Variants in KCNQ3 observed in about 807,000 individuals in gnomAD.
KCNQ3 encodes the protein potassium voltage-gated channel subfamily KQT member 3.
A neutral mutation model predicts 92.5 loss-of-function variants in KCNQ3; 30 were observed. That is an observed-to-expected ratio of 0.32 (90% CI 0.24 to 0.44). KCNQ3 has a LOEUF of 0.44. Among genes scored for constraint, KCNQ3 ranks in the 20% least tolerant of loss-of-function variants. KCNQ3 has a pLI of 1.00. For missense variants in KCNQ3, 913 were observed against 1,140.3 expected, an observed-to-expected ratio of 0.80 and a Z score of 2.87; for synonymous variants, 450 against 468.8, an observed-to-expected ratio of 0.96 and a Z score of 0.52.
chr8:132,425,607 C>T lies in KCNQ3; in HGVS notation c.386+54540G>A, dbSNP rs556414148. Among the ~76,000 whole-genome samples, 16 of 152,230 alleles carry T rather than the reference C, an allele frequency of 1.1e-4. No homozygotes were observed. The South Asian group carries it at 3.3e-3, about 32-fold the overall frequency. On this transcript the variant is annotated intron_variant, in intron 1 of 14. Transcript: ENST00000388996. ...TTTCATAACAGCCACGACCCCAAAA[C>T]CTTCTTAGGGTGTAAACAGTAGTTA... is the stretch of plus-strand genomic sequence containing the variant.
intron 9 of KCNQ3, among the ~76,000 whole-genome samples, chr8:132,149,871 T>A (rs1053103083): frequency 6.6e-6 from 1 of 151,870 alleles, no homozygotes; most frequent in Non-Finnish European, 1.5e-5. Flanking sequence ...GTCCACAGAG[T>A]TCCCCCCTCC....
intron 12 of KCNQ3, among the ~76,000 whole-genome samples, chr8:132,136,811 T>A (rs906393338): frequency 3.3e-5 from 5 of 151,852 alleles, no homozygotes; most frequent in African/African-American, 7.3e-5. Flanking sequence ...TCATATAATT[T>A]AAAAAATCTC....
intron 1 of KCNQ3, among the ~76,000 whole-genome samples, chr8:132,414,613 G>A (rs112049620): frequency 9.8e-5 from 15 of 152,320 alleles, no homozygotes; most frequent in African/African-American, 3.6e-4. Context: ...GGGAATGAGG[G>A]GACCCCTTAG....
intron 1 of KCNQ3, among the ~76,000 whole-genome samples, chr8:132,391,215 T>C (rs1303924002): frequency 6.6e-6 from 1 of 152,182 alleles, no homozygotes; most frequent in Non-Finnish European, 1.5e-5. Flanking sequence ...CCAAGACTCA[T>C]GGGTTCGGTA....
chr8:132,133,337 C>T (rs2469620), intron 13 of KCNQ3, among the ~76,000 whole-genome samples: 48,363 of 142,816 alleles, frequency 0.34, 9,170 homozygotes, highest in Non-Finnish European at 0.43. Flanking sequence ...TCTATCATCA[C>T]GTTAATGCTC....
At chr8:132,296,584 C>T (rs1034918289) in intron 1 of KCNQ3, among the ~76,000 whole-genome samples, 8 of 152,106 alleles carry the variant, frequency 5.3e-5, no homozygotes, top group Non-Finnish European at 7.4e-5. Flanking sequence ...GTTCCCCTTC[C>T]TGTGTCCATG....
chr8:132,275,082 T>A (rs1816282218), intron 1 of KCNQ3, among the ~76,000 whole-genome samples: 1 of 152,120 alleles, frequency 6.6e-6, no homozygotes, highest in Admixed American at 6.5e-5. Context: ...GGGTTTTAAG[T>A]AAAGTCAGGA....
chr8:132,162,881 G>T (rs1826031531), intron 9 of KCNQ3, among the ~76,000 whole-genome samples: 12 of 152,144 alleles, frequency 7.9e-5, no homozygotes, highest in Admixed American at 7.9e-4. Context: ...CCAGGAGATT[G>T]ATTGTGAGGA....
intron 1 of KCNQ3, among the ~76,000 whole-genome samples, chr8:132,254,762 T>G (rs1223218262): frequency 6.6e-6 from 1 of 152,106 alleles, no homozygotes; most frequent in Non-Finnish European, 1.5e-5. Flanking sequence ...GCATTCAGTC[T>G]CAGCTATTCA....
At chr8:132,447,147 C>T (rs1283798323) in intron 1 of KCNQ3, 32 of 1,445,610 alleles carry the variant, frequency 2.2e-5, no homozygotes, top group Non-Finnish European at 2.8e-5. Context: ...GACTCTGAGT[C>T]CATCTTAGGA....
At chr8:132,476,630 T>C (rs1415278083) in intron 1 of KCNQ3, among the ~76,000 whole-genome samples, 2 of 152,224 alleles carry the variant, frequency 1.3e-5, no homozygotes, top group African/African-American at 2.4e-5. Flanking sequence ...AATGGAAACA[T>C]TTACCCAATG....
chr8:132,135,958 AAAAAT>A (rs1825069019), intron 12 of KCNQ3, among the ~76,000 whole-genome samples: 1 of 151,772 alleles, frequency 6.6e-6, no homozygotes, highest in Non-Finnish European at 1.5e-5. Flanking sequence ...CATCTCTACT[AAAAAT>A]AAAAAATTAG....
intron 1 of KCNQ3, among the ~76,000 whole-genome samples, chr8:132,455,347 C>T (rs1029015539): frequency 6.6e-6 from 1 of 152,192 alleles, no homozygotes; most frequent in African/African-American, 2.4e-5. Flanking sequence ...CCTCACATGA[C>T]TCTCCTATCT....
At chr8:132,174,461 C>T in intron 5 of KCNQ3, 112 bp from the exon 6 acceptor site, 2 of 807,628 alleles carry the variant, frequency 2.5e-6, no homozygotes, top group South Asian at 1.5e-5. Flanking sequence ...TGCTCCCATT[C>T]ATAACAAGGT....
At chr8:132,211,892 G>T (rs572598211) in intron 1 of KCNQ3, among the ~76,000 whole-genome samples, 2 of 147,356 alleles carry the variant, frequency 1.4e-5, no homozygotes, top group African/African-American at 2.6e-5. Context: ...GGCAGGGGTT[G>T]CAATGAGCTG....
rs148313895 is a variant in KCNQ3 at position 132,247,473 on chromosome 8, C to A, written c.387-61292G>T. 4.5e-3 allele frequency among the ~76,000 whole-genome samples: 688 copies of A among 152,144 alleles called. 5 individuals carry two copies. Among genetic ancestry groups the A allele is most frequent in the African/African-American group, 0.015 (633 of 41,494 alleles). ...CTTAACTCCTTGTTTGCTAAAAGGG[C>A]AAGAGAAAACCCTATTAAAAACTGA... On this transcript the variant is annotated intron_variant, in intron 1 of 14. Transcript: ENST00000388996.
chr8:132,340,499 A>G (rs1040004333), intron 1 of KCNQ3, among the ~76,000 whole-genome samples: 11 of 152,204 alleles, frequency 7.2e-5, no homozygotes, highest in African/African-American at 2.7e-4. Flanking sequence ...TTCGCAGCAA[A>G]CTAACACAAG....
chr8:132,257,343 T>C (rs150376311), intron 1 of KCNQ3, among the ~76,000 whole-genome samples: 92 of 152,264 alleles, frequency 6.0e-4, no homozygotes, highest in African/African-American at 2.2e-3. Context: ...GTTAGACATA[T>C]AGAAAACAAA....
intron 1 of KCNQ3, among the ~76,000 whole-genome samples, chr8:132,259,032 A>T (rs999293270): frequency 5.3e-5 from 8 of 152,178 alleles, no homozygotes; most frequent in Admixed American, 2.6e-4. Flanking sequence ...TGCCCCATGA[A>T]AAAGAGTATG....
Sources: gnomAD v4.1 joint callset for allele counts (sites outside exome capture counted in the v4.1 genomes callset) on GRCh38, gnomAD v4.1.1 for gene constraint, MANE v1.5 for transcripts, NCBI Gene and HGNC (gene_info 2026-07-23, HGNC 2026-07-21) for gene names.